The following CYP19A1 variants were observed in gnomAD, a reference collection of about 807,000 sequenced individuals.
CYP19A1 encodes the protein cytochrome P450 family 19 subfamily A member 1.
In CYP19A1, 32 loss-of-function variants were observed where a neutral mutation model predicts 44.4. That is an observed-to-expected ratio of 0.72 (90% confidence interval 0.54 to 0.97). The LOEUF (loss-of-function observed/expected upper bound fraction) is 0.97, where lower values mean the gene tolerates loss of function less well. CYP19A1 is among the 50% of genes least tolerant of loss of function. CYP19A1 has a pLI of 0.00. For synonymous variants in CYP19A1, 212 were observed against 215.6 expected (o/e 0.98, Z 0.14); for missense variants, 598 against 637.8 (o/e 0.94, Z 0.67).
At chr15:51,282,423 T>G (rs2035551317) in intron 1 of CYP19A1, among the ~76,000 whole-genome samples, 1 of 152,234 alleles carries the variant, frequency 6.6e-6, no homozygotes, top group Non-Finnish European at 1.5e-5. Context: ...TAGCAGAATA[T>G]GTTCCATATG....
intron 1 of CYP19A1, among the ~76,000 whole-genome samples, chr15:51,297,361 C>T (rs1389129556): frequency 6.6e-6 from 1 of 152,210 alleles, no homozygotes; most frequent in Non-Finnish European, 1.5e-5. Context: ...CAAACGATAG[C>T]TGCTTTTGCC....
intron 1 of CYP19A1, among the ~76,000 whole-genome samples, chr15:51,302,034 T>TC (rs1006505827): frequency 6.6e-6 from 1 of 152,076 alleles, no homozygotes; most frequent in African/African-American, 2.4e-5. Context: ...CTTCTTAATC[T>TC]CCCCCTTTAT....
At chr15:51,271,385 G>A (rs960797368) in intron 1 of CYP19A1, among the ~76,000 whole-genome samples, 4 of 152,280 alleles carry the variant, frequency 2.6e-5, no homozygotes, top group African/African-American at 9.6e-5. Context: ...TAATAGTTTA[G>A]CATCCAAATG....
At chr15:51,310,052 C>T (rs1244703169) in intron 1 of CYP19A1, among the ~76,000 whole-genome samples, 1 of 152,116 alleles carries the variant, frequency 6.6e-6, no homozygotes, top group African/African-American at 2.4e-5. Flanking sequence ...TATAGGATTC[C>T]CAAATACAGG....
chr15:51,299,722 T>A (rs749457078), intron 1 of CYP19A1, among the ~76,000 whole-genome samples: 2 of 152,244 alleles, frequency 1.3e-5, no homozygotes, highest in Admixed American at 6.5e-5. Context: ...CTTTCTGGCT[T>A]ATCCTAGCTT....
intron 1 of CYP19A1, among the ~76,000 whole-genome samples, chr15:51,248,522 G>A (rs1273700522): frequency 1.3e-5 from 2 of 152,158 alleles, no homozygotes; most frequent in East Asian, 1.9e-4. Flanking sequence ...TTATTATTCT[G>A]AGTGGATGTA....
At chr15:51,306,533 T>TA (rs1248994941) in intron 1 of CYP19A1, among the ~76,000 whole-genome samples, 7 of 151,918 alleles carry the variant, frequency 4.6e-5, no homozygotes, top group African/African-American at 4.8e-5. Flanking sequence ...ACAAATAGCT[T>TA]AAAAAAAACC....
intron 1 of CYP19A1, among the ~76,000 whole-genome samples, chr15:51,248,128 C>A (rs935939121): frequency 2.0e-5 from 3 of 152,130 alleles, no homozygotes; most frequent in Admixed American, 6.5e-5. Flanking sequence ...ACCCTCAATC[C>A]TCTCTTGGCA....
Position 51,236,891 on chromosome 15 carries a change from C to A in CYP19A1, c.264G>T (p.Trp88Cys). ...NRVYGEFMRV[W>C]ISGEETLIIS... ...TAATGAGTGTTTCCTCTCCAGAGAT[C>A]CAGACTCGCATGAATTCTCCATATA... The change falls in exon 3 of 10, where the codon TGG becomes TGT. Residue 88 changes from tryptophan to cysteine, a missense_variant. By Grantham distance (215) the Trp-to-Cys change is radical. Coordinates refer to ENST00000396402, the MANE Select transcript of CYP19A1 (RefSeq NM_000103.4). The A allele has an allele frequency of 6.2e-7, 1 of 1,614,182 alleles. No individual in the cohort carries two copies. The highest frequency in any genetic ancestry group is 8.5e-7 in the Non-Finnish European group (1 of 1,180,030).
At chr15:51,264,995 T>A (rs1389149842) in intron 1 of CYP19A1, among the ~76,000 whole-genome samples, 1 of 152,228 alleles carries the variant, frequency 6.6e-6, no homozygotes, top group African/African-American at 2.4e-5. Flanking sequence ...TTTACAAAAA[T>A]AACACATAAG....
chr15:51,291,110 T>G (rs1194439276), intron 1 of CYP19A1, among the ~76,000 whole-genome samples: 1 of 152,008 alleles, frequency 6.6e-6, no homozygotes, highest in Non-Finnish European at 1.5e-5. Flanking sequence ...GAAAACTAGG[T>G]TTGAGGCAGA....
chr15:51,294,076 G>T (rs1359582446), intron 1 of CYP19A1, among the ~76,000 whole-genome samples: 1 of 135,442 alleles, frequency 7.4e-6, no homozygotes, highest in Non-Finnish European at 1.5e-5. Context: ...AGTGAGGAGC[G>T]TCTCTGCCCG....
At chr15:51,320,685 C>T (rs1295629822) in intron 1 of CYP19A1, among the ~76,000 whole-genome samples, 3 of 152,178 alleles carry the variant, frequency 2.0e-5, no homozygotes, top group African/African-American at 7.2e-5. Flanking sequence ...TCCTTCCTGT[C>T]CCCAAAGCTC....
At chr15:51,335,903 C>G (rs796153520) in intron 1 of CYP19A1, among the ~76,000 whole-genome samples, 2 of 152,204 alleles carry the variant, frequency 1.3e-5, no homozygotes. Flanking sequence ...TTGCTCCTGA[C>G]GCTCCATGTG....
At chr15:51,252,695 G>C (rs1213294673) in intron 1 of CYP19A1, among the ~76,000 whole-genome samples, 1 of 152,208 alleles carries the variant, frequency 6.6e-6, no homozygotes, top group Non-Finnish European at 1.5e-5. Flanking sequence ...GAGGGTTCCA[G>C]TGCATGGAGG....
At chr15:51,222,625 T>C in intron 4 of CYP19A1, 100 bp from the exon 5 acceptor site, 1 of 901,686 alleles carries the variant, frequency 1.1e-6, no homozygotes, top group Middle Eastern at 3.0e-4. Context: ...TTGTCCACAA[T>C]TTTTAATTTA....
At chr15:51,290,607 A>G (rs893802787) in intron 1 of CYP19A1, among the ~76,000 whole-genome samples, 2 of 152,204 alleles carry the variant, frequency 1.3e-5, no homozygotes, top group African/African-American at 4.8e-5. Context: ...GGGTAAGTGT[A>G]GGGAGGTGTG....
intron 1 of CYP19A1, among the ~76,000 whole-genome samples, chr15:51,278,512 G>A (rs961741133): frequency 9.2e-5 from 14 of 152,166 alleles, no homozygotes; most frequent in Admixed American, 8.5e-4. Flanking sequence ...TTGAATGCAG[G>A]GTGGAGTATG....
intron 1 of CYP19A1, among the ~76,000 whole-genome samples, chr15:51,280,779 C>T (rs879107993): frequency 2.6e-5 from 4 of 152,204 alleles, no homozygotes; most frequent in East Asian, 1.9e-4. Flanking sequence ...ACTGTGTCAA[C>T]GAATGTAGTC....
Sources: gnomAD v4.1 joint callset for allele counts (sites outside exome capture counted in the v4.1 genomes callset) on GRCh38, gnomAD v4.1.1 for gene constraint, MANE v1.5 for transcripts, NCBI Gene and HGNC (gene_info 2026-07-23, HGNC 2026-07-21) for gene names.